The following COL4A2 variants were observed in gnomAD, a reference collection of about 807,000 sequenced individuals.
The protein encoded by COL4A2 is collagen alpha-2(IV) chain.
Under a neutral mutation model 200.2 loss-of-function variants are expected in COL4A2, and 99 were observed. The observed-to-expected ratio is 0.49, with a 90% CI of 0.42 to 0.58. The LOEUF is 0.58. Among genes scored for constraint, COL4A2 ranks in the 20% least tolerant of loss-of-function variants. The pLI, the probability that COL4A2 is intolerant of heterozygous loss-of-function variation, is 0.00. For missense variants in COL4A2, 1,950 were observed against 2,314.1 expected (o/e 0.84, Z 3.23); for synonymous variants, 897 against 900.6 (o/e 1.00, Z 0.07).
At chr13:110,314,598 A>C (rs1885083482) in intron 3 of COL4A2, among the ~76,000 whole-genome samples, 1 of 152,162 alleles carries the variant, frequency 6.6e-6, no homozygotes, top group Non-Finnish European at 1.5e-5. Context: ...TGGAGCTGTC[A>C]TGGGGCCTCT....
chr13:110,341,302 A>T (rs556447083), intron 3 of COL4A2, among the ~76,000 whole-genome samples: 2 of 152,350 alleles, frequency 1.3e-5, no homozygotes, highest in East Asian at 3.9e-4. Context: ...GTTCCCACCC[A>T]TAGCCAGAAA....
intron 4 of COL4A2, among the ~76,000 whole-genome samples, chr13:110,376,941 T>C (rs142238563): frequency 9.2e-5 from 14 of 152,350 alleles, no homozygotes; most frequent in African/African-American, 2.6e-4. Flanking sequence ...CTAAAAGTTA[T>C]CTTTCTTGCT....
At position 110,398,200 on chromosome 13, in the gene COL4A2, G is replaced by A. The variant is rs563045134; in HGVS notation, c.181-26534G>A. ...TTGCTATTTTTACATGTTCCTTTAG[G>A]TGGGGGGAAGATAAGGTGTGAAATG... On this transcript the variant is annotated intron_variant, in intron 4 of 47. Transcript: ENST00000360467. Among the ~76,000 whole-genome samples, 6 of 151,210 alleles carry A rather than the reference G, an allele frequency of 4.0e-5. No individual in the cohort carries two copies. The South Asian group carries it at 1.3e-3, about 32-fold the overall frequency.
chr13:110,363,354 T>C (rs1257974952), intron 4 of COL4A2, among the ~76,000 whole-genome samples: 5 of 152,204 alleles, frequency 3.3e-5, no homozygotes, highest in African/African-American at 1.2e-4. Flanking sequence ...TTCATGTAGC[T>C]AAGAGTTTCC....
chr13:110,431,930 T>C (rs1312678808), intron 10 of COL4A2, among the ~76,000 whole-genome samples: 1 of 152,204 alleles, frequency 6.6e-6, no homozygotes, highest in Non-Finnish European at 1.5e-5. Flanking sequence ...CCATGAAAGT[T>C]GGCCAAGCTA....
At chr13:110,428,665 C>T (rs577008926) in intron 7 of COL4A2, 82 bp downstream of exon 7, 32 of 742,206 alleles carry the variant, frequency 4.3e-5, no homozygotes, top group Middle Eastern at 3.5e-4. Context: ...GGGAGCCTCC[C>T]GCTCACTGTG....
chr13:110,353,829 C>G (rs60871338), intron 3 of COL4A2, among the ~76,000 whole-genome samples: 3,379 of 152,306 alleles, frequency 0.022, 120 homozygotes, highest in African/African-American at 0.076. Flanking sequence ...TGGAAACTGC[C>G]TTGGCGTGGA....
At chr13:110,459,836 G>A (rs1881952048) in intron 22 of COL4A2, 1 of 151,266 alleles carries the variant, frequency 6.6e-6, no homozygotes. Context: ...CAGCATTGTT[G>A]GAAGGCTTCC....
chr13:110,422,226 C>G (rs1410999484), intron 4 of COL4A2, among the ~76,000 whole-genome samples: 3 of 152,160 alleles, frequency 2.0e-5, no homozygotes, highest in Non-Finnish European at 2.9e-5. Flanking sequence ...AGGTTATAGT[C>G]TAGCATAGCC....
intron 20 of COL4A2, among the ~76,000 whole-genome samples, chr13:110,455,925 G>C (rs551666410): frequency 6.6e-6 from 1 of 152,330 alleles, no homozygotes; most frequent in South Asian, 2.1e-4. Flanking sequence ...TTTGCTGGGG[G>C]AGTGCCATTT....
intron 30 of COL4A2, among the ~76,000 whole-genome samples, chr13:110,479,241 C>T (rs374508032): frequency 2.7e-4 from 41 of 152,284 alleles, no homozygotes; most frequent in African/African-American, 7.9e-4. Context: ...CTAAAGCCTA[C>T]ACTTTAGGTG....
chr13:110,476,330 C>G (rs542526362), intron 29 of COL4A2, among the ~76,000 whole-genome samples: 1 of 152,230 alleles, frequency 6.6e-6, no homozygotes, highest in East Asian at 1.9e-4. Context: ...GATAGAAGAC[C>G]AAAAAATAGA....
rs763550125 is a variant in COL4A2, at chr13:110,508,945, T to C, written c.4881+724T>C. Among the ~76,000 whole-genome samples the C allele has an allele frequency of 6.6e-6, 1 of 152,192 alleles. No individual in the cohort carries two copies. Among genetic ancestry groups the C allele is most frequent in the South Asian group, 2.1e-4 (1 of 4,834 alleles). On this transcript the variant is annotated intron_variant, in intron 47 of 47. Transcript: ENST00000360467. The surrounding 1 kb of genome is among the most constrained non-coding windows in gnomAD (Gnocchi z 6.1). ...ATAGGGTCCCGTCCCGATAAATTCA[T>C]TGTAAGATGAAGATACTATAAGTTG... is the stretch of plus-strand genomic sequence containing the variant.
intron 3 of COL4A2, among the ~76,000 whole-genome samples, chr13:110,335,401 G>C (rs192455694): frequency 3.9e-5 from 6 of 152,232 alleles, no homozygotes; most frequent in African/African-American, 9.6e-5. Context: ...GGTAGAGTAA[G>C]TCTCATGAGA....
At chr13:110,496,183 C>G (rs561111129) in intron 40 of COL4A2, among the ~76,000 whole-genome samples, 1 of 152,334 alleles carries the variant, frequency 6.6e-6, no homozygotes, top group East Asian at 1.9e-4. Flanking sequence ...ACTCTGGCTT[C>G]CATCCACAAA....
rs758300900 is a variant in COL4A2, at chr13:110,478,144, C to G, written c.2567C>G (p.Pro856Arg). Residue 856 changes from proline to arginine, a missense_variant, in exon 30 of 48, where the codon CCA (proline) becomes CGA (arginine). Coordinates refer to ENST00000360467, the MANE Select transcript of COL4A2 (RefSeq NM_001846.4). ...APGQEGPLGL[P>R]GIPGREGLPG... is the part of the protein sequence containing the mutation. ...GGCCAAGAGGGGCCCTTGGGGCTGC[C>G]AGGAATCCCAGGCCGTGAAGGTAAG... is the stretch of plus-strand genomic sequence containing the variant. 1.9e-6 allele frequency: 3 copies of G among 1,595,092 alleles called. No homozygotes were observed. The highest frequency in any genetic ancestry group is 1.1e-5 in the South Asian group (1 of 88,788).
chr13:110,467,101 T>C lies in COL4A2; in HGVS notation c.2095+5T>C, dbSNP rs376823280. 4 of 1,614,006 alleles carry C rather than the reference T, an allele frequency of 2.5e-6. No individual in the cohort carries two copies. The highest frequency in any genetic ancestry group is 1.7e-5 in the Admixed American group (1 of 60,012). ...CAGGACCCCCAGGCCCCACAGGTAA[T>C]GCACGGAGGGAACCTGGAGTGCACC... On this transcript the variant is annotated splice_donor_5th_base_variant and intron_variant, in intron 27 of 47. Transcript: ENST00000360467.
intron 16 of COL4A2, among the ~76,000 whole-genome samples, 160 bp from the exon 17 acceptor site, chr13:110,445,669 A>G (rs1881293145): frequency 1.3e-5 from 2 of 152,244 alleles, no homozygotes; most frequent in Non-Finnish European, 2.9e-5. Flanking sequence ...TTAAAAAGAC[A>G]TTTTTGAGAC....
chr13:110,480,524 G>A (rs1882863783), intron 31 of COL4A2, 134 bp downstream of exon 31: 2 of 933,970 alleles, frequency 2.1e-6, no homozygotes, highest in Admixed American at 3.1e-5. Flanking sequence ...TGGAGGCCTT[G>A]GGACTCTCCT....
Sources: gnomAD v4.1 joint callset for allele counts (sites outside exome capture counted in the v4.1 genomes callset) on GRCh38, gnomAD v4.1.1 for gene constraint, Gnocchi (gnomAD v3.1) non-coding constraint, MANE v1.5 for transcripts, NCBI Gene and HGNC (gene_info 2026-07-23, HGNC 2026-07-21) for gene names.